Variants in EMCN observed in about 807,000 individuals in gnomAD.
EMCN encodes the protein MUC-14.
A neutral mutation model predicts 38.4 loss-of-function variants in EMCN; 37 were observed. That is an observed-to-expected ratio of 0.96 (90% CI 0.74 to 1.27). The LOEUF (loss-of-function observed/expected upper bound fraction) is 1.27, where lower values mean the gene tolerates loss of function less well. EMCN is among the 50% of genes most tolerant of loss of function. The pLI is 0.00. For missense variants in EMCN, 318 were observed against 302.8 expected, an observed-to-expected ratio of 1.05 and a Z score of -0.37; for synonymous variants, 95 against 100.8, an observed-to-expected ratio of 0.94 and a Z score of 0.35.
At chr4:100,401,227 C>A (rs1255410012) in intron 11 of EMCN, among the ~76,000 whole-genome samples, 1 of 151,924 alleles carries the variant, frequency 6.6e-6, no homozygotes, top group Non-Finnish European at 1.5e-5. Flanking sequence ...GTTCTATGTC[C>A]ACAGATTCAA....
At chr4:100,477,424 T>G (rs1267605154) in intron 2 of EMCN, among the ~76,000 whole-genome samples, 1 of 152,198 alleles carries the variant, frequency 6.6e-6, no homozygotes, top group Non-Finnish European at 1.5e-5. Flanking sequence ...GTCCCATTTC[T>G]CTAATTGGGT....
intron 1 of EMCN, among the ~76,000 whole-genome samples, chr4:100,486,666 T>C (rs1320878922): frequency 6.6e-6 from 1 of 151,996 alleles, no homozygotes; most frequent in Non-Finnish European, 1.5e-5. Context: ...GGGGAGGGAG[T>C]GCCAAGCCTG....
In EMCN at chr4:100,478,044, T is replaced by G. The variant is rs1001840494; in HGVS notation, c.187+1873A>C. Among the ~76,000 whole-genome samples, 65 of 152,320 alleles carry G rather than the reference T, an allele frequency of 4.3e-4. 1 individual carries two copies. The highest frequency in any genetic ancestry group is 3.5e-3 in the Admixed American group (53 of 15,298). The stretch of plus-strand genomic sequence containing the variant: ...TTAGTCTGACTCATCTAACCCTTAA[T>G]ACACAGTGGTGATCAAGTAAGCCAG... On this transcript the variant is annotated intron_variant, in intron 2 of 11. Transcript: ENST00000296420.
At chr4:100,512,721 G>A (rs966103259) in intron 1 of EMCN, among the ~76,000 whole-genome samples, 1 of 151,066 alleles carries the variant, frequency 6.6e-6, no homozygotes, top group Admixed American at 6.6e-5. Context: ...CAGGAGAATC[G>A]CTTGAACCCG....
chr4:100,474,994 A>G, intron 3 of EMCN, 44 bp downstream of exon 3: 1 of 1,082,842 alleles, frequency 9.2e-7, no homozygotes, highest in Non-Finnish European at 1.3e-6. Flanking sequence ...TGTTATGTGA[A>G]TTATATATTT....
At chr4:100,403,971 A>G (rs1204155746) in intron 11 of EMCN, among the ~76,000 whole-genome samples, 1 of 151,938 alleles carries the variant, frequency 6.6e-6, no homozygotes, top group Non-Finnish European at 1.5e-5. Context: ...TGGATATTAT[A>G]CCTTTATCGG....
intron 5 of EMCN, 28 bp from the exon 6 acceptor site, chr4:100,423,432 A>G: frequency 6.6e-7 from 1 of 1,504,440 alleles, no homozygotes; most frequent in East Asian, 2.3e-5. Flanking sequence ...ATGCAGAATC[A>G]GGCTATGGTA....
At chr4:100,508,373 C>A (rs1729538054) in intron 1 of EMCN, among the ~76,000 whole-genome samples, 1 of 151,836 alleles carries the variant, frequency 6.6e-6, no homozygotes, top group African/African-American at 2.4e-5. Flanking sequence ...CAAATATATT[C>A]TTTTTTTTAG....
chr4:100,475,658 CCTTTTTTT>C (rs775497501), intron 2 of EMCN, among the ~76,000 whole-genome samples: 3,382 of 107,980 alleles, frequency 0.031, 446 homozygotes, highest in African/African-American at 0.044. Flanking sequence ...CAATTCTAGT[CCTTTTTTT>C]TTTTTTTTTT....
intron 4 of EMCN, among the ~76,000 whole-genome samples, chr4:100,455,126 A>G (rs1250123761): frequency 2.0e-5 from 3 of 151,340 alleles, no homozygotes; most frequent in South Asian, 2.1e-4. Context: ...TTTCTTGTTT[A>G]TTGCCTTCTT....
intron 7 of EMCN, among the ~76,000 whole-genome samples, chr4:100,422,813 C>G (rs57041437): frequency 1.5e-5 from 2 of 130,096 alleles, no homozygotes; most frequent in Non-Finnish European, 3.6e-5. Flanking sequence ...TTCTTTCTTT[C>G]TTTCTTTTCT....
intron 11 of EMCN, among the ~76,000 whole-genome samples, chr4:100,402,457 A>G (rs144837375): frequency 3.8e-4 from 58 of 152,252 alleles, no homozygotes; most frequent in Middle Eastern, 3.4e-3. Flanking sequence ...TTGATATCTA[A>G]TTTCAAGTTG....
At chr4:100,472,247 AAGTT>A (rs1403789430) in intron 3 of EMCN, among the ~76,000 whole-genome samples, 1 of 152,146 alleles carries the variant, frequency 6.6e-6, no homozygotes, top group East Asian at 1.9e-4. Context: ...TACAGTTAAT[AAGTT>A]AGTTCAATAG....
rs775341907 is a variant in EMCN, at chr4:100,420,198, G to T, written c.664+1084C>A. ...CAATATGTGATTTGTGACTTGGAAG[G>T]GTTGCCTGACTTTCAAGAGAGGTAG... On this transcript the variant is annotated intron_variant, in intron 8 of 11. Transcript: ENST00000296420. 9.9e-5 allele frequency among the ~76,000 whole-genome samples: 15 copies of T among 152,090 alleles called. No individual in the cohort carries two copies. The South Asian group carries it at 1.0e-3, about 11-fold the overall frequency.
At chr4:100,447,941 C>T (rs757417014) in intron 4 of EMCN, among the ~76,000 whole-genome samples, 3 of 151,766 alleles carry the variant, frequency 2.0e-5, no homozygotes, top group Admixed American at 6.6e-5. Flanking sequence ...CAATTTTGCC[C>T]GTGGGCCATA....
intron 4 of EMCN, among the ~76,000 whole-genome samples, chr4:100,455,760 A>G (rs1727998398): frequency 6.6e-6 from 1 of 151,556 alleles, no homozygotes; most frequent in Non-Finnish European, 1.5e-5. Flanking sequence ...TTATAATTTT[A>G]TACACTTGGA....
intron 1 of EMCN, among the ~76,000 whole-genome samples, chr4:100,512,447 C>T (rs1326536378): frequency 2.0e-5 from 3 of 152,018 alleles, no homozygotes; most frequent in Non-Finnish European, 4.4e-5. Context: ...GCTAACAGAC[C>T]TATAATGGAT....
At chr4:100,399,770 CTTTTT>C (rs1297832194) in intron 11 of EMCN, among the ~76,000 whole-genome samples, 1 of 151,700 alleles carries the variant, frequency 6.6e-6, no homozygotes, top group African/African-American at 2.4e-5. Context: ...TTTTTATCTT[CTTTTT>C]TTTAAACTTT....
At chr4:100,400,214 G>A (rs968975665) in intron 11 of EMCN, among the ~76,000 whole-genome samples, 5 of 152,256 alleles carry the variant, frequency 3.3e-5, no homozygotes, top group African/African-American at 1.2e-4. Context: ...CATGAATGTT[G>A]CAGCAGTATC....
Sources: gnomAD v4.1 joint callset for allele counts (sites outside exome capture counted in the v4.1 genomes callset) on GRCh38, gnomAD v4.1.1 for gene constraint, MANE v1.5 for transcripts, NCBI Gene and HGNC (gene_info 2026-07-23, HGNC 2026-07-21) for gene names.